The following ROPN1L variants were observed in gnomAD, a reference collection of about 807,000 sequenced individuals.
The protein encoded by ROPN1L is rhophilin associated tail protein 1 like.
In ROPN1L, 23 loss-of-function variants were observed where a neutral mutation model predicts 22.7. The observed-to-expected ratio is 1.01, with a 90% CI of 0.73 to 1.43. The LOEUF (loss-of-function observed/expected upper bound fraction) is 1.43. Among genes scored for constraint, ROPN1L ranks in the 40% most tolerant of loss-of-function variants. The pLI is 0.00. For synonymous variants in ROPN1L, 116 were observed against 117.8 expected (o/e 0.98, Z 0.10); for missense variants, 271 against 291.5 (o/e 0.93, Z 0.51).
intron 2 of ROPN1L, among the ~76,000 whole-genome samples, chr5:10,448,805 G>C (rs1741163055): frequency 6.6e-6 from 1 of 152,236 alleles, no homozygotes; most frequent in African/African-American, 2.4e-5. Context: ...GGCGGGGCTG[G>C]CCTTTGGCCC....
chr5:10,469,376 A>C (rs1735210983), downstream of ROPN1L, among the ~76,000 whole-genome samples: 4 of 149,916 alleles, frequency 2.7e-5, no homozygotes, highest in South Asian at 8.5e-4. Flanking sequence ...GGTCCCAGCT[A>C]CCTGGGAGGC....
At chr5:10,458,907 CTGTATGCCCCATCCCCCCA>C (rs1734940220) in intron 3 of ROPN1L, among the ~76,000 whole-genome samples, 2 of 90,978 alleles carry the variant, frequency 2.2e-5, no homozygotes, top group African/African-American at 8.3e-5. Context: ...CACCATCCGC[CTGTATGCCCCATCCCCCCA>C]CCGTGTACAC....
downstream of ROPN1L, among the ~76,000 whole-genome samples, chr5:10,468,938 G>A (rs886452058): frequency 1.3e-5 from 2 of 150,544 alleles, no homozygotes; most frequent in East Asian, 2.0e-4. Context: ...GGTGGATTAC[G>A]AGGTCAGGAG....
intron 3 of ROPN1L, among the ~76,000 whole-genome samples, chr5:10,460,613 C>T (rs1157311537): frequency 6.6e-6 from 1 of 152,378 alleles, no homozygotes; most frequent in Non-Finnish European, 1.5e-5. Flanking sequence ...AGTCCGGTTG[C>T]TGTTCTGGAG....
intron 3 of ROPN1L, among the ~76,000 whole-genome samples, chr5:10,451,297 G>A (rs745693754): frequency 2.6e-5 from 4 of 152,162 alleles, no homozygotes; most frequent in African/African-American, 9.7e-5. Flanking sequence ...ACCCAATGTG[G>A]CCACTAATGC....
intron 3 of ROPN1L, among the ~76,000 whole-genome samples, chr5:10,456,617 T>C (rs1741429245): frequency 6.6e-6 from 1 of 152,244 alleles, no homozygotes; most frequent in Non-Finnish European, 1.5e-5. Context: ...AGAGGGTCTT[T>C]TGGCTGTTGT....
chr5:10,451,794 A>G (rs1295248245), intron 3 of ROPN1L, among the ~76,000 whole-genome samples: 2 of 152,190 alleles, frequency 1.3e-5, no homozygotes, highest in Non-Finnish European at 2.9e-5. Flanking sequence ...CAGGCATGGT[A>G]CCCTCCAGTA....
intron 2 of ROPN1L, among the ~76,000 whole-genome samples, chr5:10,449,062 G>A (rs747010847): frequency 3.9e-5 from 6 of 152,230 alleles, no homozygotes; most frequent in Non-Finnish European, 8.8e-5. Flanking sequence ...GTGCTTCTGC[G>A]CAGGATACAG....
chr5:10,466,453 G>T (rs1447722505), downstream of ROPN1L, among the ~76,000 whole-genome samples: 1 of 152,180 alleles, frequency 6.6e-6, no homozygotes, highest in Non-Finnish European at 1.5e-5. Context: ...GCATCACTGG[G>T]CTCAAGAAAA....
At chr5:10,456,392 G>T (rs555256216) in intron 3 of ROPN1L, among the ~76,000 whole-genome samples, 1 of 152,306 alleles carries the variant, frequency 6.6e-6, no homozygotes, top group African/African-American at 2.4e-5. Flanking sequence ...GGAGGCTGAG[G>T]CAGGAGAATC....
intron 4 of ROPN1L, 59 bp downstream of exon 4, chr5:10,461,418 C>T: frequency 6.8e-7 from 1 of 1,469,052 alleles, no homozygotes; most frequent in Non-Finnish European, 9.4e-7. Context: ...TTTCCTGTTT[C>T]ACTTCCCCCT....
intron 1 of ROPN1L, among the ~76,000 whole-genome samples, chr5:10,447,737 C>T (rs1228002929): frequency 1.3e-5 from 2 of 152,082 alleles, no homozygotes; most frequent in African/African-American, 4.8e-5. Context: ...AAAGATTAGC[C>T]AGGTGTGGTG....
intron 1 of ROPN1L, among the ~76,000 whole-genome samples, chr5:10,444,072 C>T (rs1740977426): frequency 6.6e-6 from 1 of 152,196 alleles, no homozygotes; most frequent in Non-Finnish European, 1.5e-5. Context: ...TGCTTGCCTT[C>T]TGAGAAATGC....
intron 1 of ROPN1L, among the ~76,000 whole-genome samples, 190 bp downstream of exon 1, chr5:10,442,488 G>A (rs1198407717): frequency 1.3e-5 from 2 of 152,192 alleles, no homozygotes; most frequent in East Asian, 3.8e-4. Context: ...TCGATTTATC[G>A]ACTATGAGAC....
At chr5:10,480,327 C>A in the ROPN1L span, among the ~76,000 whole-genome samples, 3 of 152,186 alleles carry the variant, frequency 2.0e-5, no homozygotes, top group Admixed American at 2.0e-4. Context: ...GCCAGACTTC[C>A]AGGAGGCTGG....
chr5:10,455,724 AGAGGAT>A (rs1167794424), intron 3 of ROPN1L, among the ~76,000 whole-genome samples: 1 of 146,366 alleles, frequency 6.8e-6, no homozygotes, highest in Non-Finnish European at 1.5e-5. Context: ...AGGAAACTCT[AGAGGAT>A]AATAGAATTC....
chr5:10,458,507 TC>T (rs1469163732), intron 3 of ROPN1L, among the ~76,000 whole-genome samples: 4 of 30,980 alleles, frequency 1.3e-4, no homozygotes, highest in Non-Finnish European at 2.3e-4. Context: ...ACCATCCCCC[TC>T]ATGTACACCA....
At chr5:10,459,189 A>C (rs756455111) in intron 3 of ROPN1L, among the ~76,000 whole-genome samples, 1 of 151,840 alleles carries the variant, frequency 6.6e-6, no homozygotes, top group Non-Finnish European at 1.5e-5. Context: ...GCCCACATGC[A>C]ACCACCAGTG....
Position 10,442,353 on chromosome 5 carries a change from C to G in ROPN1L, c.131+55C>G, listed in dbSNP as rs1693655612. 21 of 1,593,530 alleles carry G rather than the reference C, an allele frequency of 1.3e-5. No homozygotes were observed. The South Asian group carries it at 2.3e-4, about 18-fold the overall frequency. On this transcript the variant is annotated intron_variant, in intron 1 of 4. Transcript: ENST00000274134. Reference sequence around the variant, plus strand: ...GGTCTACATGCCCAAGCCAGACGAGCCCAGAGAGCCCTCCTCCCGGACCAG... The same window carrying G: ...GGTCTACATGCCCAAGCCAGACGAGGCCAGAGAGCCCTCCTCCCGGACCAG...
Sources: allele counts gnomAD v4.1 joint callset (sites outside exome capture counted in the v4.1 genomes callset), GRCh38; gene constraint gnomAD v4.1.1; transcripts MANE v1.5; gene names NCBI Gene and HGNC (gene_info 2026-07-23, HGNC 2026-07-21).